TBC1D5: variants seen among roughly 807,000 people sequenced by gnomAD.
TBC1D5 encodes TBC1 domain family, member 5.
TBC1D5 carries 75 observed loss-of-function variants against 100.3 expected under a neutral mutation model. That is an observed-to-expected ratio of 0.75 (90% confidence interval 0.62 to 0.91). TBC1D5 has a LOEUF of 0.91. TBC1D5 is among the 40% of genes least tolerant of loss of function. The probability of loss-of-function intolerance (pLI) is 0.00; values close to 1 mark genes in which losing one functional copy is unlikely to be tolerated. For missense variants in TBC1D5, 910 were observed against 942.4 expected, an observed-to-expected ratio of 0.97 and a Z score of 0.45; for synonymous variants, 323 against 325.6, an observed-to-expected ratio of 0.99 and a Z score of 0.09.
At chr3:17,582,481 A>G (rs1335954161) in intron 2 of TBC1D5, among the ~76,000 whole-genome samples, 1 of 152,192 alleles carries the variant, frequency 6.6e-6, no homozygotes, top group African/African-American at 2.4e-5. Context: ...CAAAAACGGG[A>G]TATAAAAAAC....
At chr3:17,193,817 A>G (rs897817253) in intron 18 of TBC1D5, among the ~76,000 whole-genome samples, 13 of 152,208 alleles carry the variant, frequency 8.5e-5, no homozygotes, top group African/African-American at 3.1e-4. Flanking sequence ...AATAGCTAAT[A>G]CATGTAAAAT....
intron 13 of TBC1D5, among the ~76,000 whole-genome samples, chr3:17,313,259 G>A (rs1450115134): frequency 6.6e-6 from 1 of 151,976 alleles, no homozygotes; most frequent in Admixed American, 6.6e-5. Flanking sequence ...TAAGCTACTG[G>A]GTATCTCCTT....
chr3:17,421,352 A>T (rs918108832), intron 4 of TBC1D5, among the ~76,000 whole-genome samples: 1 of 152,214 alleles, frequency 6.6e-6, no homozygotes, highest in Non-Finnish European at 1.5e-5. Flanking sequence ...AAAGGTCGTG[A>T]TGCTTCTTGA....
intron 3 of TBC1D5, among the ~76,000 whole-genome samples, chr3:17,472,753 A>G (rs1434855439): frequency 2.0e-5 from 3 of 152,250 alleles, no homozygotes; most frequent in Admixed American, 6.5e-5. Context: ...GAAGAAATCA[A>G]TGAATATTAA....
At chr3:17,415,035 G>T (rs1335245586) in intron 4 of TBC1D5, among the ~76,000 whole-genome samples, 1 of 152,078 alleles carries the variant, frequency 6.6e-6, no homozygotes, top group Non-Finnish European at 1.5e-5. Flanking sequence ...TTTGATTCAG[G>T]TTTGAACTGA....
intron 3 of TBC1D5, among the ~76,000 whole-genome samples, chr3:17,449,830 C>T (rs1161514967): frequency 6.6e-6 from 1 of 152,202 alleles, no homozygotes; most frequent in African/African-American, 2.4e-5. Flanking sequence ...ACATTCCTGC[C>T]TGCAGAATCT....
At chr3:17,414,068 G>A (rs1357048334) in intron 4 of TBC1D5, among the ~76,000 whole-genome samples, 1 of 152,172 alleles carries the variant, frequency 6.6e-6, no homozygotes, top group Non-Finnish European at 1.5e-5. Context: ...TAGTGATAGG[G>A]AAGTGCAGCA....
chr3:17,717,833 AT>A (rs149700680), intron 1 of TBC1D5, among the ~76,000 whole-genome samples: 1 of 152,260 alleles, frequency 6.6e-6, no homozygotes, highest in East Asian at 1.9e-4. Context: ...CTGAAACAAA[AT>A]TTTTATAATA....
intron 19 of TBC1D5, among the ~76,000 whole-genome samples, chr3:17,178,015 A>C (rs2067984240): frequency 6.7e-6 from 1 of 149,938 alleles, no homozygotes; most frequent in Non-Finnish European, 1.5e-5. Context: ...CTCCAGTTCT[A>C]TGTTGTTGCA....
chr3:17,658,426 C>T (rs1220067428), intron 1 of TBC1D5, among the ~76,000 whole-genome samples: 1 of 152,070 alleles, frequency 6.6e-6, no homozygotes. Context: ...AACAGCTCAG[C>T]AGTCCGAAAC....
chr3:17,546,583 G>A (rs190275954), intron 2 of TBC1D5, among the ~76,000 whole-genome samples: 1 of 151,700 alleles, frequency 6.6e-6, no homozygotes, highest in Admixed American at 6.6e-5. Flanking sequence ...GGGCAACACG[G>A]TGAGACCCCG....
chr3:17,385,321 G>A lies in TBC1D5; in HGVS notation c.510-1306C>T, dbSNP rs568593814. On this transcript the variant is annotated intron_variant, in intron 8 of 21. Transcript: ENST00000253692. ...AAAAAATGGGAGAAAATGTGAGAGA[G>A]TAGAGAGGAAGATGACCTAGAGCAT... Among the ~76,000 whole-genome samples, 137 of 152,168 alleles carry A rather than the reference G, an allele frequency of 9.0e-4. 1 individual carries two copies. Among genetic ancestry groups the A allele is most frequent in the Non-Finnish European group, 1.2e-3 (84 of 67,970 alleles).
intron 18 of TBC1D5, among the ~76,000 whole-genome samples, chr3:17,195,082 T>C (rs2070471899): frequency 6.6e-6 from 1 of 152,238 alleles, no homozygotes; most frequent in South Asian, 2.1e-4. Context: ...TTTAAAATAA[T>C]TATATGCATA....
At chr3:17,343,280 C>T (rs200139556) in intron 13 of TBC1D5, among the ~76,000 whole-genome samples, 70 of 113,682 alleles carry the variant, frequency 6.2e-4, no homozygotes, top group African/African-American at 2.1e-3. Context: ...TATTGATTTG[C>T]GTATATTGAA....
intron 13 of TBC1D5, among the ~76,000 whole-genome samples, chr3:17,341,814 T>C (rs1298728716): frequency 6.6e-6 from 1 of 152,132 alleles, no homozygotes; most frequent in East Asian, 1.9e-4. Flanking sequence ...CACTCAAACT[T>C]AATTCTTCTG....
In TBC1D5 at chr3:17,238,149, G is replaced by T. The variant is rs367750427; in HGVS notation, c.1588+14C>A. 5 of 1,608,938 alleles carry T rather than the reference G, an allele frequency of 3.1e-6. No individual in the cohort carries two copies. The Admixed American group carries it at 6.7e-5, about 22-fold the overall frequency. On this transcript the variant is annotated intron_variant, in intron 17 of 21. Coordinates refer to ENST00000253692, the Ensembl canonical transcript of TBC1D5. ...ATGAATGTTTTCTTTAGATTTACTA[G>T]TATTTTTTCCTACCTTTGTTCAATT...
chr3:17,433,335 GA>G (rs2094477845), intron 3 of TBC1D5, among the ~76,000 whole-genome samples: 1 of 152,178 alleles, frequency 6.6e-6, no homozygotes, highest in South Asian at 2.1e-4. Context: ...ATTTAAAAAG[GA>G]AAGAAGTTTA....
chr3:17,646,234 A>G (rs1421220423), intron 1 of TBC1D5, among the ~76,000 whole-genome samples: 4 of 152,178 alleles, frequency 2.6e-5, no homozygotes, highest in Non-Finnish European at 4.4e-5. Context: ...AAGGACTGCC[A>G]GCAAACAACA....
At chr3:17,205,610 T>C (rs1191044312) in intron 18 of TBC1D5, among the ~76,000 whole-genome samples, 1 of 152,174 alleles carries the variant, frequency 6.6e-6, no homozygotes, top group Non-Finnish European at 1.5e-5. Context: ...GGCTGCCTCA[T>C]CACATCCCCC....
Sources: gnomAD v4.1 joint callset for allele counts (sites outside exome capture counted in the v4.1 genomes callset) on GRCh38, gnomAD v4.1.1 for gene constraint, MANE v1.5 for transcripts, NCBI Gene and HGNC (gene_info 2026-07-23, HGNC 2026-07-21) for gene names.